CCDC171: variants seen among roughly 807,000 people sequenced by gnomAD.
CCDC171 encodes coiled-coil domain containing 171.
CCDC171 carries 177 observed loss-of-function variants against 168.2 expected under a neutral mutation model. That is an observed-to-expected ratio of 1.05 (90% CI 0.93 to 1.19). The LOEUF is 1.19. Ranked by LOEUF, CCDC171 falls within the 50% of genes most tolerant of loss-of-function variation. CCDC171 has a pLI of 0.00. For missense variants in CCDC171, 1,991 were observed against 1,539.0 expected (o/e 1.29, Z -4.91); for synonymous variants, 687 against 540.8 (o/e 1.27, Z -3.75).
At chr9:15,745,468 T>C (rs769661296) in intron 17 of CCDC171, 47 bp from the exon 18 acceptor site, 2 of 1,214,756 alleles carry the variant, frequency 1.6e-6, no homozygotes, top group East Asian at 5.1e-5. Flanking sequence ...ATATAGATTT[T>C]AATAAAGTTT....
chr9:15,953,346 G>A (rs1590749), intron 25 of CCDC171, among the ~76,000 whole-genome samples: 47,385 of 152,028 alleles, frequency 0.31, 9,157 homozygotes, highest in East Asian at 0.62. Context: ...GTGTTAGGGT[G>A]ATTTCCTTCT....
chr9:15,855,388 G>A (rs989042600), intron 23 of CCDC171, among the ~76,000 whole-genome samples: 11 of 151,758 alleles, frequency 7.2e-5, no homozygotes, highest in Admixed American at 3.9e-4. Flanking sequence ...TACTGTTTGC[G>A]TGGGCTATCT....
chr9:15,944,689 A>G (rs554949459), intron 25 of CCDC171, among the ~76,000 whole-genome samples: 57 of 152,050 alleles, frequency 3.7e-4, no homozygotes, highest in Admixed American at 6.6e-4. Context: ...TATTATTGTT[A>G]ATGCCATTTC....
intron 7 of CCDC171, among the ~76,000 whole-genome samples, chr9:15,641,049 A>G (rs913396973): frequency 2.0e-5 from 3 of 148,674 alleles, no homozygotes; most frequent in African/African-American, 7.9e-5. Context: ...CGTAGAATTA[A>G]TCAGTCTATG....
At chr9:16,031,857 C>T (rs913454733) in intron 6 of CCDC171, among the ~76,000 whole-genome samples, 1 of 152,204 alleles carries the variant, frequency 6.6e-6, no homozygotes, top group Non-Finnish European at 1.5e-5. Context: ...CACCCCAGGG[C>T]TCTGTGGGAT....
chr9:15,796,924 C>A (rs2058586587), intron 21 of CCDC171, among the ~76,000 whole-genome samples: 1 of 152,146 alleles, frequency 6.6e-6, no homozygotes, highest in South Asian at 2.1e-4. Context: ...CAGAGGTGTA[C>A]CTAGGTTGTA....
chr9:15,570,876 T>C (rs2040170306), intron 2 of CCDC171, among the ~76,000 whole-genome samples: 1 of 152,204 alleles, frequency 6.6e-6, no homozygotes, highest in Admixed American at 6.5e-5. Flanking sequence ...AGACCGTCTG[T>C]TTTATCCTCT....
At chr9:15,704,595 A>G (rs1452349844) in intron 11 of CCDC171, among the ~76,000 whole-genome samples, 1 of 152,236 alleles carries the variant, frequency 6.6e-6, no homozygotes, top group African/African-American at 2.4e-5. Context: ...TCAAAATGAA[A>G]TGAATGAAAA....
At chr9:15,861,896 T>G (rs940869604) in intron 23 of CCDC171, among the ~76,000 whole-genome samples, 1 of 152,022 alleles carries the variant, frequency 6.6e-6, no homozygotes, top group African/African-American at 2.4e-5. Context: ...CTTGAAGAAC[T>G]GCCTTTAGCG....
chr9:16,028,900 C>T (rs1320743054), intron 6 of CCDC171, among the ~76,000 whole-genome samples: 1 of 152,142 alleles, frequency 6.6e-6, no homozygotes, highest in Admixed American at 6.5e-5. Flanking sequence ...ACCTTCTTTC[C>T]TTCCTTCCTT....
intron 25 of CCDC171, among the ~76,000 whole-genome samples, chr9:15,963,712 C>G (rs1434795676): frequency 2.6e-5 from 4 of 152,088 alleles, no homozygotes; most frequent in African/African-American, 7.2e-5. Context: ...GGTTATTATA[C>G]TACTCTCTCC....
intron 21 of CCDC171, among the ~76,000 whole-genome samples, chr9:15,793,703 C>G (rs1564419285): frequency 1.3e-5 from 2 of 151,812 alleles, no homozygotes; most frequent in African/African-American, 2.4e-5. Context: ...GCACACACCA[C>G]AACACCTGGC....
intron 25 of CCDC171, among the ~76,000 whole-genome samples, chr9:15,954,325 C>T (rs1430204327): frequency 6.6e-6 from 1 of 151,844 alleles, no homozygotes; most frequent in Non-Finnish European, 1.5e-5. Context: ...CTATAAATTT[C>T]CCCCTTAGCA....
chr9:16,028,616 A>G (rs902731042), intron 6 of CCDC171, among the ~76,000 whole-genome samples: 3 of 152,100 alleles, frequency 2.0e-5, no homozygotes, highest in Admixed American at 6.5e-5. Flanking sequence ...TAAATCTGGC[A>G]GCTCTAGCTC....
chr9:15,635,035 C>T (rs2046094548), intron 7 of CCDC171, among the ~76,000 whole-genome samples: 1 of 152,038 alleles, frequency 6.6e-6, no homozygotes, highest in Non-Finnish European at 1.5e-5. Flanking sequence ...TGTCTCTGTC[C>T]ATCAGTTGAT....
chr9:15,660,326 A>G (rs2133024940), intron 8 of CCDC171, among the ~76,000 whole-genome samples: 1 of 152,086 alleles, frequency 6.6e-6, no homozygotes, highest in East Asian at 1.9e-4. Flanking sequence ...TTATGATTTC[A>G]GCTTTTATTT....
the CCDC171 span, among the ~76,000 whole-genome samples, chr9:16,099,595 C>T: frequency 6.6e-6 from 1 of 152,166 alleles, no homozygotes; most frequent in Non-Finnish European, 1.5e-5. Context: ...CTCTGAGAAG[C>T]AGCTTGTGGA....
chr9:15,995,012 C>T (rs573906138), intron 3 of CCDC171, among the ~76,000 whole-genome samples: 66 of 152,280 alleles, frequency 4.3e-4, no homozygotes, highest in Non-Finnish European at 5.6e-4. Flanking sequence ...CAGGCATGCC[C>T]AGCTGTGTTT....
chr9:15,831,139 T>G (rs1176116313), intron 21 of CCDC171, among the ~76,000 whole-genome samples: 1 of 151,686 alleles, frequency 6.6e-6, no homozygotes, highest in African/African-American at 2.4e-5. Flanking sequence ...CCGGCTAATT[T>G]TTTTTTGTAT....
Sources: gnomAD v4.1 joint callset for allele counts (sites outside exome capture counted in the v4.1 genomes callset) on GRCh38, gnomAD v4.1.1 for gene constraint, MANE v1.5 for transcripts, NCBI Gene and HGNC (gene_info 2026-07-23, HGNC 2026-07-21) for gene names.